Variants in AUTS2 observed in about 807,000 individuals in gnomAD.
AUTS2 encodes the protein activator of transcription and developmental regulator AUTS2.
Under a neutral mutation model 112.4 loss-of-function variants are expected in AUTS2, and 17 were observed. That is an observed-to-expected ratio of 0.15 (90% CI 0.10 to 0.23). AUTS2 has a LOEUF of 0.23. AUTS2 is among the 10% of genes least tolerant of loss of function. AUTS2 has a pLI of 1.00. For synonymous variants in AUTS2, 751 were observed against 702.7 expected, an observed-to-expected ratio of 1.07 and a Z score of -1.09; for missense variants, 1,510 against 1,701.6, an observed-to-expected ratio of 0.89 and a Z score of 1.98.
chr7:70,532,723 G>A (rs187938208), intron 5 of AUTS2, among the ~76,000 whole-genome samples: 12 of 152,182 alleles, frequency 7.9e-5, no homozygotes, highest in Non-Finnish European at 1.5e-4. Flanking sequence ...TTTCATTCTC[G>A]CAGCAAATAC....
chr7:69,853,369 T>C (rs1044034635), intron 1 of AUTS2, among the ~76,000 whole-genome samples: 1 of 152,214 alleles, frequency 6.6e-6, no homozygotes, highest in African/African-American at 2.4e-5. Flanking sequence ...GACTTACATA[T>C]CATTTTTAAT....
intron 1 of AUTS2, among the ~76,000 whole-genome samples, chr7:69,806,471 T>G (rs903091002): frequency 6.6e-6 from 1 of 151,856 alleles, no homozygotes; most frequent in Non-Finnish European, 1.5e-5. Context: ...GTATTTGTTT[T>G]TGGTGGCTTT....
intron 4 of AUTS2, among the ~76,000 whole-genome samples, chr7:70,229,659 A>C (rs945597936): frequency 6.6e-6 from 1 of 152,132 alleles, no homozygotes; most frequent in Non-Finnish European, 1.5e-5. Flanking sequence ...ATACTTTTTC[A>C]GAACCTTTTT....
chr7:70,049,657 A>G (rs996643940), intron 2 of AUTS2, among the ~76,000 whole-genome samples: 4 of 152,004 alleles, frequency 2.6e-5, no homozygotes, highest in East Asian at 1.9e-4. Context: ...ATTATCACCA[A>G]CTGAATTCTT....
chr7:69,947,751 A>G (rs1449874847), intron 2 of AUTS2, among the ~76,000 whole-genome samples: 1 of 152,208 alleles, frequency 6.6e-6, no homozygotes, highest in Non-Finnish European at 1.5e-5. Context: ...CAAAGACAAA[A>G]CATTAATAAT....
intron 2 of AUTS2, among the ~76,000 whole-genome samples, chr7:70,030,641 G>T (rs1563052154): frequency 1.3e-5 from 2 of 152,152 alleles, no homozygotes; most frequent in Non-Finnish European, 2.9e-5. Flanking sequence ...AAAGGCAGGT[G>T]AGTTGAGCCT....
intron 5 of AUTS2, among the ~76,000 whole-genome samples, chr7:70,632,785 A>G (rs948159732): frequency 1.3e-5 from 2 of 152,050 alleles, no homozygotes; most frequent in Non-Finnish European, 2.9e-5. Flanking sequence ...ATGGAGTCAT[A>G]ATAGCCACGG....
At chr7:70,033,934 A>AT (rs1271945555) in intron 2 of AUTS2, among the ~76,000 whole-genome samples, 2 of 152,128 alleles carry the variant, frequency 1.3e-5, no homozygotes, top group African/African-American at 4.8e-5. Flanking sequence ...TTTATTGTAT[A>AT]TTTTTTAAAA....
At chr7:70,353,545 A>G (rs929883219) in intron 4 of AUTS2, among the ~76,000 whole-genome samples, 1 of 152,130 alleles carries the variant, frequency 6.6e-6, no homozygotes, top group African/African-American at 2.4e-5. Context: ...ACATGTGGAC[A>G]GTGTCTAACT....
chr7:70,254,491 T>A (rs1347675456), intron 4 of AUTS2, among the ~76,000 whole-genome samples: 1 of 152,210 alleles, frequency 6.6e-6, no homozygotes, highest in Non-Finnish European at 1.5e-5. Context: ...TGCAACCAAA[T>A]TTAATCACTT....
chr7:70,023,110 G>A (rs1029773215), intron 2 of AUTS2, among the ~76,000 whole-genome samples: 4 of 152,244 alleles, frequency 2.6e-5, no homozygotes, highest in Admixed American at 2.6e-4. Context: ...CTCCCAAAGT[G>A]TTGGAATTAC....
At chr7:70,079,373 G>T (rs147888402) in intron 2 of AUTS2, among the ~76,000 whole-genome samples, 4 of 152,014 alleles carry the variant, frequency 2.6e-5, no homozygotes, top group Non-Finnish European at 5.9e-5. Context: ...ATGGTGGCAG[G>T]CTCCTGTAAT....
At chr7:69,784,094 G>C (rs2129317155) in intron 1 of AUTS2, among the ~76,000 whole-genome samples, 2 of 152,266 alleles carry the variant, frequency 1.3e-5, no homozygotes, top group East Asian at 3.9e-4. Context: ...TACCCAAAAT[G>C]ACACCGAACG....
chr7:70,518,682 C>CAA (rs748207444), intron 5 of AUTS2, among the ~76,000 whole-genome samples: 1 of 109,620 alleles, frequency 9.1e-6, no homozygotes, highest in Admixed American at 9.5e-5. Context: ...GACTCCGTCT[C>CAA]AAAAAAAAAA....
chr7:70,432,966 C>T (rs1795737262), intron 4 of AUTS2, among the ~76,000 whole-genome samples: 1 of 152,168 alleles, frequency 6.6e-6, no homozygotes, highest in African/African-American at 2.4e-5. Flanking sequence ...GTCACTCACC[C>T]GGCATGTTGT....
chr7:70,425,197 T>C (rs572831693), intron 4 of AUTS2, among the ~76,000 whole-genome samples: 7 of 152,316 alleles, frequency 4.6e-5, no homozygotes, highest in African/African-American at 1.7e-4. Flanking sequence ...GCAGCTTCAT[T>C]ACCTGGGGAA....
intron 5 of AUTS2, among the ~76,000 whole-genome samples, chr7:70,449,005 TAATA>T (rs1033113653): frequency 6.6e-6 from 1 of 152,248 alleles, no homozygotes; most frequent in African/African-American, 2.4e-5. Flanking sequence ...GTGTTTATGT[TAATA>T]GAGTTACCTT....
At chr7:70,653,491 C>T (rs1806615241) in intron 5 of AUTS2, among the ~76,000 whole-genome samples, 1 of 152,200 alleles carries the variant, frequency 6.6e-6, no homozygotes, top group Non-Finnish European at 1.5e-5. Flanking sequence ...TCCTATACCT[C>T]TCTGAGATCC....
chr7:70,787,967 C>T (rs1032723266), intron 18 of AUTS2, among the ~76,000 whole-genome samples: 4 of 152,082 alleles, frequency 2.6e-5, no homozygotes, highest in South Asian at 2.1e-4. Flanking sequence ...AGAGAAACGT[C>T]GACAAGCAGT....
Sources: gnomAD v4.1 joint callset for allele counts (sites outside exome capture counted in the v4.1 genomes callset) on GRCh38, gnomAD v4.1.1 for gene constraint, MANE v1.5 for transcripts, NCBI Gene and HGNC (gene_info 2026-07-23, HGNC 2026-07-21) for gene names.